The following ATP2B2 variants were observed in gnomAD, a reference collection of about 807,000 sequenced individuals.
The protein encoded by ATP2B2 is plasma membrane calcium-transporting ATPase 2.
ATP2B2 carries 15 observed loss-of-function variants against 120.0 expected under a neutral mutation model. The ratio of observed to expected loss-of-function variants is 0.12; its 90% CI spans 0.08 to 0.19. The LOEUF is 0.19. Ranked by LOEUF, ATP2B2 falls within the 10% of genes least tolerant of loss-of-function variation. The pLI is 1.00. For synonymous variants in ATP2B2, 694 were observed against 700.3 expected (o/e 0.99, Z 0.14); for missense variants, 1,045 against 1,719.8 (o/e 0.61, Z 6.94).
intron 2 of ATP2B2, among the ~76,000 whole-genome samples, chr3:10,569,831 C>A (rs531076112): frequency 1.3e-5 from 2 of 152,284 alleles, no homozygotes; most frequent in East Asian, 1.9e-4. Context: ...ATAGACTGCT[C>A]TTTTTGGTCC....
intron 1 of ATP2B2, among the ~76,000 whole-genome samples, chr3:10,682,842 A>G (rs2071414777): frequency 6.6e-6 from 1 of 152,236 alleles, no homozygotes; most frequent in Non-Finnish European, 1.5e-5. Flanking sequence ...CCGGCTTCTG[A>G]TGGGACAACC....
rs571324198 is a variant in ATP2B2 at position 10,550,821 on chromosome 3, G to A, written c.-414-16688C>T. ...TGCCGGGTGAGGTCATGGTGAAGGC[G>A]AAGGGGAAACATTCACAGTTGTTCT... On this transcript the variant is annotated intron_variant, in intron 2 of 21. Transcript: ENST00000646379. 1.7e-4 allele frequency among the ~76,000 whole-genome samples: 26 copies of A among 152,316 alleles called. No homozygotes were observed. In the South Asian group the frequency reaches 4.8e-3, roughly 28 times the overall value.
chr3:10,561,270 T>A (rs920690341), intron 2 of ATP2B2, among the ~76,000 whole-genome samples: 1 of 152,148 alleles, frequency 6.6e-6, no homozygotes, highest in African/African-American at 2.4e-5. Context: ...ACTGATTGAA[T>A]GAGTAATGGG....
rs2125506260 is a variant in ATP2B2, at chr3:10,372,056, G to A, written c.1417-5C>T. The A allele has an allele frequency of 6.2e-7, 1 of 1,614,166 alleles. No homozygotes were observed. On this transcript the variant is annotated splice_region_variant and splice_polypyrimidine_tract_variant and intron_variant, in intron 11 of 22. Transcript: ENST00000360273. Reference sequence around the variant, plus strand: ...GTTGTTGTCCTTCATCATTTTCTGGGAGAAGGGGCAGGTGAGAGGGCAACA... The same window carrying A: ...GTTGTTGTCCTTCATCATTTTCTGGAAGAAGGGGCAGGTGAGAGGGCAACA...
chr3:10,566,068 A>G (rs1345018300), intron 2 of ATP2B2, among the ~76,000 whole-genome samples: 2 of 152,012 alleles, frequency 1.3e-5, no homozygotes, highest in Admixed American at 6.5e-5. Context: ...CTATCTGCCC[A>G]TGCACCCACC....
chr3:10,550,884 C>T (rs2067654463), intron 2 of ATP2B2, among the ~76,000 whole-genome samples: 1 of 152,194 alleles, frequency 6.6e-6, no homozygotes, highest in Admixed American at 6.5e-5. Context: ...TCGCCAAGGC[C>T]TGGCTGCAAA....
At chr3:10,548,905 T>A (rs1013377777) in intron 2 of ATP2B2, among the ~76,000 whole-genome samples, 3 of 152,232 alleles carry the variant, frequency 2.0e-5, no homozygotes, top group African/African-American at 7.2e-5. Flanking sequence ...GAGGTTTTGT[T>A]TTAATCATTA....
intron 1 of ATP2B2, among the ~76,000 whole-genome samples, chr3:10,632,411 A>G (rs1426884096): frequency 6.6e-6 from 1 of 152,048 alleles, no homozygotes; most frequent in Non-Finnish European, 1.5e-5. Flanking sequence ...AGTATCCTCT[A>G]TGGGGCCTTT....
At chr3:10,472,059 C>A (rs1478293179) in intron 1 of ATP2B2, among the ~76,000 whole-genome samples, 1 of 138,502 alleles carries the variant, frequency 7.2e-6, no homozygotes, top group Non-Finnish European at 1.5e-5. Context: ...CCCGCCTGGG[C>A]CACAGAGCGA....
intron 12 of ATP2B2, among the ~76,000 whole-genome samples, chr3:10,368,288 G>A (rs1228636429): frequency 6.6e-6 from 1 of 152,116 alleles, no homozygotes; most frequent in Non-Finnish European, 1.5e-5. Context: ...TCAACAAGCT[G>A]GAGGTAGTGA....
chr3:10,328,321 A>G lies in ATP2B2; in HGVS notation c.*493T>C, dbSNP rs1357722466. On this transcript the variant is annotated 3_prime_UTR_variant, in exon 23 of 23. Transcript: ENST00000360273. ...TAAATTAATCTATACAACTGAGACC[A>G]TGCTGTGCAAGCATTTCAAAAACTC... 6.2e-6 allele frequency: 1 copy of G among 162,396 alleles called. No homozygotes were observed. The allele number at this position is 162,396 out of a possible 1,614,324, so 10.1% of individuals were successfully genotyped here. A position where few individuals can be genotyped will look rare whatever the true frequency, so the allele number is the denominator to read the frequency against.
At chr3:10,336,295 T>A in intron 22 of ATP2B2, 1 of 1,550,446 alleles carries the variant, frequency 6.4e-7, no homozygotes, top group Non-Finnish European at 8.7e-7. Context: ...TATTGACTAC[T>A]TCAATCTGCA....
intron 2 of ATP2B2, among the ~76,000 whole-genome samples, chr3:10,561,839 T>C (rs2125530695): frequency 1.3e-5 from 2 of 152,324 alleles, no homozygotes; most frequent in African/African-American, 4.8e-5. Flanking sequence ...TAAAACTCTT[T>C]CCTTTATAAA....
chr3:10,404,911 C>T (rs1575135051), intron 3 of ATP2B2, among the ~76,000 whole-genome samples: 2 of 152,198 alleles, frequency 1.3e-5, no homozygotes, highest in African/African-American at 2.4e-5. Context: ...CTGCCCCTTG[C>T]TATGTGCTCT....
At chr3:10,634,089 G>A (rs920830944) in intron 1 of ATP2B2, among the ~76,000 whole-genome samples, 2 of 152,186 alleles carry the variant, frequency 1.3e-5, no homozygotes, top group Non-Finnish European at 2.9e-5. Context: ...AGGAGGTGGG[G>A]CTTGAACCCA....
rs149598317 is a variant in ATP2B2 at position 10,561,952 on chromosome 3, C to T, written c.-414-27819G>A. On this transcript the variant is annotated intron_variant, in intron 2 of 21. Transcript: ENST00000646379. Reference sequence around the variant, plus strand: ...AGGATTTGAACCCAGTCTGACTCTGCACTTAATATCTTGCCTCTCCAAGGG... The same window carrying T: ...AGGATTTGAACCCAGTCTGACTCTGTACTTAATATCTTGCCTCTCCAAGGG... 4.1e-4 allele frequency among the ~76,000 whole-genome samples: 63 copies of T among 152,326 alleles called. 1 individual carries two copies. The highest frequency in any genetic ancestry group is 2.9e-4 in the Non-Finnish European group (20 of 68,024).
At chr3:10,690,045 G>C (rs1179198024) in intron 1 of ATP2B2, among the ~76,000 whole-genome samples, 1 of 152,244 alleles carries the variant, frequency 6.6e-6, no homozygotes, top group Non-Finnish European at 1.5e-5. Context: ...CCCACATGCA[G>C]AGGACTCTGT....
chr3:10,394,244 A>G (rs1559278094), intron 5 of ATP2B2, among the ~76,000 whole-genome samples: 1 of 152,072 alleles, frequency 6.6e-6, no homozygotes, highest in Admixed American at 6.5e-5. Context: ...CACAAGCACT[A>G]AACAAAGCCA....
chr3:10,448,554 A>G (rs1273415562), intron 2 of ATP2B2, among the ~76,000 whole-genome samples: 1 of 152,162 alleles, frequency 6.6e-6, no homozygotes, highest in South Asian at 2.1e-4. Flanking sequence ...GGTCCCTTCC[A>G]GAAAAGCCCC....
Sources: gnomAD v4.1 joint callset for allele counts (sites outside exome capture counted in the v4.1 genomes callset) on GRCh38, gnomAD v4.1.1 for gene constraint, MANE v1.5 for transcripts, NCBI Gene and HGNC (gene_info 2026-07-23, HGNC 2026-07-21) for gene names.